The following LRRC28 variants were observed in gnomAD, a reference collection of about 807,000 sequenced individuals.
LRRC28 encodes the protein leucine-rich repeat-containing protein 28.
LRRC28 carries 39 observed loss-of-function variants against 45.7 expected under a neutral mutation model. That is an observed-to-expected ratio of 0.85 (90% confidence interval 0.66 to 1.12). The LOEUF (loss-of-function observed/expected upper bound fraction) is 1.12, where lower values mean the gene tolerates loss of function less well. Ranked by LOEUF, LRRC28 falls within the 50% of genes most tolerant of loss-of-function variation. LRRC28 has a pLI of 0.00. For missense variants in LRRC28, 435 were observed against 438.5 expected, an observed-to-expected ratio of 0.99 and a Z score of 0.07; for synonymous variants, 206 against 178.8, an observed-to-expected ratio of 1.15 and a Z score of -1.22.
chr15:99,275,286 C>G (rs2081587985), intron 2 of LRRC28, among the ~76,000 whole-genome samples: 1 of 152,234 alleles, frequency 6.6e-6, no homozygotes. Flanking sequence ...AAGGCCAGCC[C>G]TTTCAGGGCT....
intron 2 of LRRC28, chr15:99,257,934 A>C (rs2081073470): frequency 1.3e-6 from 1 of 771,148 alleles, no homozygotes. Context: ...GATTTTCCTT[A>C]GAGAACTGAT....
chr15:99,359,353 A>G (rs1957135270), intron 7 of LRRC28, among the ~76,000 whole-genome samples: 1 of 152,238 alleles, frequency 6.6e-6, no homozygotes, highest in Non-Finnish European at 1.5e-5. Flanking sequence ...ACAAATTGAT[A>G]TATTTTAATT....
intron 3 of LRRC28, among the ~76,000 whole-genome samples, chr15:99,284,068 G>A (rs2081889015): frequency 6.6e-6 from 1 of 152,224 alleles, no homozygotes; most frequent in Admixed American, 6.5e-5. Context: ...GAGCAGTTCA[G>A]TGATTTCTCC....
chr15:99,375,017 A>G (rs1346903903), intron 9 of LRRC28, among the ~76,000 whole-genome samples: 4 of 152,318 alleles, frequency 2.6e-5, no homozygotes, highest in Non-Finnish European at 4.4e-5. Flanking sequence ...ACTGTTAAGT[A>G]TAATGTGTTA....
chr15:99,279,165 G>A (rs1157675622), intron 3 of LRRC28, among the ~76,000 whole-genome samples: 1 of 152,196 alleles, frequency 6.6e-6, no homozygotes, highest in African/African-American at 2.4e-5. Context: ...GTGACCTTTT[G>A]TATCTGGCTG....
intron 5 of LRRC28, among the ~76,000 whole-genome samples, chr15:99,290,261 A>G (rs575922188): frequency 2.2e-4 from 33 of 150,800 alleles, no homozygotes; most frequent in Non-Finnish European, 3.8e-4. Flanking sequence ...CCTGCCTCAA[A>G]AAAAAAAGAA....
In LRRC28 at chr15:99,287,297, A is replaced by G; in HGVS notation, c.247+3A>G. On this transcript the variant is annotated splice_donor_region_variant and intron_variant, in intron 4 of 9. Transcript: ENST00000301981. Reference sequence around the variant, plus strand: ...TAACATAGTTGTGGTTCCGGAAGGTATGTTTAACTTAAAAATTTTAGTTAG... The same window carrying G: ...TAACATAGTTGTGGTTCCGGAAGGTGTGTTTAACTTAAAAATTTTAGTTAG... 1.3e-6 allele frequency: 2 copies of G among 1,553,082 alleles called. No individual in the cohort carries two copies. The highest frequency in any genetic ancestry group is 8.7e-7 in the Non-Finnish European group (1 of 1,152,936).
chr15:99,265,406 C>T (rs61141351), intron 2 of LRRC28, among the ~76,000 whole-genome samples: 12,097 of 152,064 alleles, frequency 0.08, 536 homozygotes, highest in African/African-American at 0.11. Context: ...TTGATGTTGA[C>T]GAACTGCTGT....
chr15:99,255,431 T>A (rs1195313724), intron 1 of LRRC28, among the ~76,000 whole-genome samples: 1 of 152,028 alleles, frequency 6.6e-6, no homozygotes, highest in Non-Finnish European at 1.5e-5. Context: ...TATTTATATA[T>A]TAGGAAGTGA....
At chr15:99,380,929 G>A (rs1220245074) in intron 9 of LRRC28, among the ~76,000 whole-genome samples, 1 of 152,294 alleles carries the variant, frequency 6.6e-6, no homozygotes, top group Admixed American at 6.5e-5. Flanking sequence ...TTTCCTTTGT[G>A]GGTAACCCGA....
intron 9 of LRRC28, among the ~76,000 whole-genome samples, chr15:99,375,306 C>T (rs761925226): frequency 1.1e-4 from 17 of 152,116 alleles, no homozygotes; most frequent in Non-Finnish European, 2.1e-4. Context: ...TAGCCTCACA[C>T]TCCTGGAATA....
At chr15:99,285,582 CA>C (rs2081936619) in intron 3 of LRRC28, 2 of 743,838 alleles carry the variant, frequency 2.7e-6, no homozygotes, top group African/African-American at 1.7e-5. Flanking sequence ...GACTTGACGG[CA>C]GGGGGAGGAG....
At chr15:99,357,960 A>G (rs1358563014) in intron 7 of LRRC28, among the ~76,000 whole-genome samples, 4 of 152,142 alleles carry the variant, frequency 2.6e-5, no homozygotes, top group Admixed American at 6.5e-5. Flanking sequence ...GTCTAATGCA[A>G]TAAGATGGAA....
At chr15:99,297,924 A>C (rs1478202238) in intron 5 of LRRC28, among the ~76,000 whole-genome samples, 2 of 152,124 alleles carry the variant, frequency 1.3e-5, no homozygotes, top group Non-Finnish European at 2.9e-5. Flanking sequence ...TTGTTTTCTG[A>C]ACGATGTGTC....
chr15:99,298,804 G>A (rs1446006494), intron 5 of LRRC28, among the ~76,000 whole-genome samples: 1 of 152,090 alleles, frequency 6.6e-6, no homozygotes, highest in Admixed American at 6.6e-5. Flanking sequence ...CTCCTCCTGG[G>A]TTGAAGCGAT....
chr15:99,319,702 A>C (rs1244619031), intron 5 of LRRC28, among the ~76,000 whole-genome samples: 4 of 151,706 alleles, frequency 2.6e-5, no homozygotes, highest in Non-Finnish European at 5.9e-5. Flanking sequence ...AAAAATTTCT[A>C]CTGGGAATTA....
At chr15:99,315,893 T>C (rs1039165505) in intron 5 of LRRC28, among the ~76,000 whole-genome samples, 9 of 152,178 alleles carry the variant, frequency 5.9e-5, no homozygotes, top group African/African-American at 1.9e-4. Context: ...AGCAAGAACC[T>C]GTCTCCAAAA....
At chr15:99,324,373 A>T (rs541064165) in intron 5 of LRRC28, among the ~76,000 whole-genome samples, 1 of 152,292 alleles carries the variant, frequency 6.6e-6, no homozygotes, top group South Asian at 2.1e-4. Context: ...CCGCGGATAA[A>T]GGGGGATTTC....
intron 2 of LRRC28, among the ~76,000 whole-genome samples, chr15:99,264,282 C>CA (rs1172082901): frequency 2.0e-5 from 3 of 152,200 alleles, no homozygotes; most frequent in Non-Finnish European, 2.9e-5. Flanking sequence ...TGGTCACCTG[C>CA]AGGCGACTAG....
Sources: gnomAD v4.1 joint callset for allele counts (sites outside exome capture counted in the v4.1 genomes callset) on GRCh38, gnomAD v4.1.1 for gene constraint, MANE v1.5 for transcripts, NCBI Gene and HGNC (gene_info 2026-07-23, HGNC 2026-07-21) for gene names.